The following FMN1 variants were observed in gnomAD, a reference collection of about 807,000 sequenced individuals.
FMN1 encodes the protein formin-1.
Under a neutral mutation model 132.4 loss-of-function variants are expected in FMN1, and 110 were observed. The ratio of observed to expected loss-of-function variants is 0.83; its 90% CI spans 0.71 to 0.97. FMN1 has a LOEUF of 0.97. FMN1 is among the 50% of genes least tolerant of loss of function. The pLI is 0.00. For missense variants in FMN1, 1,792 were observed against 1,705.3 expected, an observed-to-expected ratio of 1.05 and a Z score of -0.90; for synonymous variants, 722 against 651.7, an observed-to-expected ratio of 1.11 and a Z score of -1.64.
chr15:33,153,291 C>G lies in FMN1; in HGVS notation c.1624G>C (p.Ala542Pro), dbSNP rs1230012088. 2.6e-6 allele frequency: 4 copies of G among 1,536,064 alleles called. No individual in the cohort carries two copies. The African/African-American group carries it at 4.1e-5, about 16-fold the overall frequency. ...GCAGCTTCCCTCTCACCAGGCAATG[C>G]AGGGAGCCGGAGGATCCTGTGATGC... Reference protein sequence around the residue: ...QQHHRILRLPALPGEREAALN... With the variant: ...QQHHRILRLPPLPGEREAALN... The change falls in exon 4 of 21, where the codon GCA (alanine) becomes CCA (proline). Residue 542 changes from alanine (A) to proline (P), a missense_variant. Physicochemically the swap from Ala to Pro is conservative, Grantham distance 27 (BLOSUM62 -1). Transcript: ENST00000616417.
In FMN1 at chr15:33,067,749, C is replaced by G. The variant is rs141655944; in HGVS notation, c.2044-2675G>C. The G allele has an allele frequency of 0.012, 20,057 of 1,613,970 alleles. 164 individuals carry two copies. The highest frequency in any genetic ancestry group is 0.015 in the Non-Finnish European group (17,776 of 1,179,862). On this transcript the variant is annotated intron_variant, in intron 5 of 20. Transcript: ENST00000616417. ...TCTTCCTCTTCTGGATTCACAGATT[C>G]TAATTTACTCGTAAACCCAAATAGG...
At chr15:32,811,149 G>A (rs1363554615) in intron 17 of FMN1, 3 of 453,948 alleles carry the variant, frequency 6.6e-6, no homozygotes, top group Non-Finnish European at 1.3e-5. Flanking sequence ...CAGATATTTG[G>A]AACCAGTTTG....
chr15:32,818,454 T>C (rs2058115593), intron 17 of FMN1, among the ~76,000 whole-genome samples: 1 of 152,188 alleles, frequency 6.6e-6, no homozygotes, highest in South Asian at 2.1e-4. Context: ...TGAAGGATTA[T>C]TAAAATATTA....
chr15:32,999,366 C>G (rs1011698348), intron 7 of FMN1, among the ~76,000 whole-genome samples: 21 of 152,220 alleles, frequency 1.4e-4, no homozygotes, highest in Admixed American at 1.2e-3. Context: ...AATTCTGTTT[C>G]AACAGCAATG....
intron 3 of FMN1, among the ~76,000 whole-genome samples, chr15:33,169,464 C>T (rs920438548): frequency 6.6e-6 from 1 of 152,052 alleles, no homozygotes; most frequent in African/African-American, 2.4e-5. Context: ...TAAAAAAATT[C>T]AAACGGAATT....
In FMN1 at chr15:32,771,241, G is replaced by T. The variant is rs1261986881; in HGVS notation, c.*3069C>A. 6.6e-6 allele frequency: 1 copy of T among 151,672 alleles called. No homozygotes were observed. The highest frequency in any genetic ancestry group is 2.4e-5 in the African/African-American group (1 of 41,302). 9.4% of individuals were successfully genotyped at this position (151,672 alleles called of 1,614,324 possible). A position where few individuals can be genotyped will look rare whatever the true frequency, so the allele number is the denominator to read the frequency against. ...CTACAGGCGCCCACCACCACGCCCG[G>T]CTAATTTTTTGTATTTTTAGTAGAG... is the stretch of plus-strand genomic sequence containing the variant. On this transcript the variant is annotated 3_prime_UTR_variant, in exon 21 of 21. Transcript: ENST00000616417.
intron 6 of FMN1, among the ~76,000 whole-genome samples, chr15:33,033,007 T>C (rs11635199): frequency 0.27 from 41,338 of 152,072 alleles, 5,835 homozygotes; most frequent in Non-Finnish European, 0.31. Flanking sequence ...GGCTAGCTGC[T>C]GTTTTACTAT....
At chr15:32,833,497 A>G (rs759460415) in intron 17 of FMN1, among the ~76,000 whole-genome samples, 2 of 152,140 alleles carry the variant, frequency 1.3e-5, no homozygotes, top group Non-Finnish European at 2.9e-5. Flanking sequence ...ATAAGCCCCA[A>G]TATTAGTCCA....
At chr15:32,869,809 C>A (rs1461004255) in intron 16 of FMN1, among the ~76,000 whole-genome samples, 1 of 152,094 alleles carries the variant, frequency 6.6e-6, no homozygotes, top group Non-Finnish European at 1.5e-5. Context: ...CAGCTCTGTG[C>A]AGAAGGATCA....
chr15:33,086,152 G>A (rs2038682814), intron 5 of FMN1, among the ~76,000 whole-genome samples: 1 of 151,858 alleles, frequency 6.6e-6, no homozygotes, highest in Non-Finnish European at 1.5e-5. Flanking sequence ...TCAGGAGGCT[G>A]AGGCAGGAGA....
At chr15:32,938,038 C>T (rs36100673) in intron 9 of FMN1, among the ~76,000 whole-genome samples, 38,659 of 151,164 alleles carry the variant, frequency 0.26, 5,192 homozygotes, top group Non-Finnish European at 0.31. Context: ...TGGAAGTAGA[C>T]AGGAGGAAAA....
At chr15:32,952,651 C>T (rs761076311) in intron 9 of FMN1, among the ~76,000 whole-genome samples, 3 of 152,110 alleles carry the variant, frequency 2.0e-5, no homozygotes, top group South Asian at 2.1e-4. Context: ...GATAATTAGG[C>T]GGCCATGAAT....
At chr15:32,965,547 A>G (rs1453308304) in intron 8 of FMN1, among the ~76,000 whole-genome samples, 1 of 152,226 alleles carries the variant, frequency 6.6e-6, no homozygotes, top group Non-Finnish European at 1.5e-5. Context: ...TGAAAACTAA[A>G]AAGATAACTA....
intron 4 of FMN1, among the ~76,000 whole-genome samples, chr15:33,122,500 C>T (rs1962661765): frequency 6.6e-6 from 1 of 152,224 alleles, no homozygotes; most frequent in African/African-American, 2.4e-5. Context: ...CAGTACATTT[C>T]ATGTATACCT....
chr15:32,943,997 T>C (rs1435202841), intron 9 of FMN1, among the ~76,000 whole-genome samples: 2 of 152,146 alleles, frequency 1.3e-5, no homozygotes, highest in South Asian at 2.1e-4. Context: ...CAGAATCCTT[T>C]TATAGCTGTG....
At position 33,082,053 on chromosome 15, in the gene FMN1, G is replaced by GTGTGTGTGTGTGTGTGTT. The variant is rs540217494; in HGVS notation, c.2043+6745_2043+6746insAACACACACACACACACA. Among the ~76,000 whole-genome samples the GTGTGTGTGTGTGTGTGTT allele has an allele frequency of 2.7e-3, 365 of 134,548 alleles. 9 individuals are homozygous for GTGTGTGTGTGTGTGTGTT. The highest frequency in any genetic ancestry group is 9.4e-3 in the African/African-American group (345 of 36,814). The allele number at this position is 134,548 out of a possible 152,430, so 88.3% of individuals were successfully genotyped here. The stretch of plus-strand genomic sequence containing the variant: ...TGTGTGTGTGTGTGTGTGTGTGTGT[G>GTGTGTGTGTGTGTGTGTT]TAAGACGGAGTCTCGCTTTGTCACC... On this transcript the variant is annotated intron_variant, in intron 5 of 20. Transcript: ENST00000616417.
rs1246002582 is a variant in FMN1 at position 33,088,800 on chromosome 15, T to C, written c.2042A>G (p.His681Arg). 8 of 1,532,366 alleles carry C rather than the reference T, an allele frequency of 5.2e-6. No individual in the cohort carries two copies. The highest frequency in any genetic ancestry group is 7.0e-6 in the Non-Finnish European group (8 of 1,144,322). 94.9% of individuals were successfully genotyped at this position (1,532,366 alleles called of 1,614,324 possible). A position where few individuals can be genotyped will look rare whatever the true frequency, so the allele number is the denominator to read the frequency against. Residue 681 changes from histidine (H) to arginine (R), a missense_variant and splice_region_variant, in exon 5 of 21, where the codon CAT becomes CGT. Around this residue, in one of 3 missense-constraint regions of FMN1, gnomAD observed 1,150 missense variants for 1,043.1 expected, o/e 1.10. Coordinates refer to ENST00000616417, the MANE Select transcript of FMN1 (RefSeq NM_001277313.2). Reference protein sequence around the residue: ...SNRSELYLDLHPDHSLTEQDD... With the variant: ...SNRSELYLDLRPDHSLTEQDD... Reference sequence around the variant, plus strand: ...ACAATCACCAAGATTTCTACTTACATGGAGATCCAAGTACAATTCGCTCCT... The same window carrying C: ...ACAATCACCAAGATTTCTACTTACACGGAGATCCAAGTACAATTCGCTCCT...
At chr15:32,858,881 G>T (rs1212659338) in intron 16 of FMN1, among the ~76,000 whole-genome samples, 1 of 151,882 alleles carries the variant, frequency 6.6e-6, no homozygotes, top group African/African-American at 2.4e-5. Context: ...TGAAATAGAT[G>T]GATCTGTGGC....
chr15:33,019,095 C>A (rs1196713594), intron 6 of FMN1, among the ~76,000 whole-genome samples: 6 of 152,142 alleles, frequency 3.9e-5, no homozygotes, highest in Non-Finnish European at 7.4e-5. Flanking sequence ...TTACCTGGCC[C>A]CACCCACATC....
Sources: gnomAD v4.1 joint callset for allele counts (sites outside exome capture counted in the v4.1 genomes callset) on GRCh38, gnomAD v4.1.1 for gene constraint, gnomAD v4.1.1 regional missense constraint, MANE v1.5 for transcripts, NCBI Gene and HGNC (gene_info 2026-07-23, HGNC 2026-07-21) for gene names.